Variants in AK8 observed in about 807,000 individuals in gnomAD.
AK8 encodes ATP-AMP transphosphorylase 8.
Under a neutral mutation model 54.6 loss-of-function variants are expected in AK8, and 44 were observed. That is an observed-to-expected ratio of 0.81 (90% CI 0.63 to 1.04). AK8 has a LOEUF of 1.04. Among genes scored for constraint, AK8 ranks in the 50% least tolerant of loss-of-function variants. The pLI, the probability that AK8 is intolerant of heterozygous loss-of-function variation, is 0.00. For missense variants in AK8, 555 were observed against 613.6 expected, an observed-to-expected ratio of 0.90 and a Z score of 1.01; for synonymous variants, 239 against 245.6, an observed-to-expected ratio of 0.97 and a Z score of 0.25.
At chr9:132,806,745 C>T (rs1162377916) in intron 10 of AK8, among the ~76,000 whole-genome samples, 1 of 152,192 alleles carries the variant, frequency 6.6e-6, no homozygotes, top group South Asian at 2.1e-4. Context: ...GAGCTCTGAT[C>T]CACACCTCCT....
At chr9:132,771,968 G>T (rs572280567) in intron 11 of AK8, among the ~76,000 whole-genome samples, 2 of 152,264 alleles carry the variant, frequency 1.3e-5, no homozygotes, top group South Asian at 2.1e-4. Flanking sequence ...CAAAGCGAGA[G>T]AACTTGTGCA....
At chr9:132,876,200 G>A (rs570798591) in intron 1 of AK8, among the ~76,000 whole-genome samples, 12 of 152,316 alleles carry the variant, frequency 7.9e-5, no homozygotes, top group Non-Finnish European at 1.5e-4. Context: ...CTGGGCCTCA[G>A]CTTCTCTGCC....
chr9:132,807,190 G>T (rs929477832), intron 10 of AK8, among the ~76,000 whole-genome samples: 3 of 152,078 alleles, frequency 2.0e-5, no homozygotes, highest in Non-Finnish European at 2.9e-5. Context: ...GGAGATGCTG[G>T]GGGGGGCGGG....
At chr9:132,744,363 T>C (rs1837535822) in intron 11 of AK8, among the ~76,000 whole-genome samples, 1 of 151,366 alleles carries the variant, frequency 6.6e-6, no homozygotes. Context: ...TTACAGTAAG[T>C]TGGGTTGCTG....
At chr9:132,738,057 CTTT>C (rs34835031) in intron 11 of AK8, among the ~76,000 whole-genome samples, 6 of 144,346 alleles carry the variant, frequency 4.2e-5, no homozygotes, top group Non-Finnish European at 3.0e-5. Flanking sequence ...TGCTGAATTA[CTTT>C]TTTTTTTTTT....
rs1199861531 is a variant in AK8, at chr9:132,770,517, C to G, written c.1121+22117G>C. Among the ~76,000 whole-genome samples the G allele has an allele frequency of 1.3e-5, 2 of 152,180 alleles. No homozygotes were observed. Among genetic ancestry groups the G allele is most frequent in the African/African-American group, 2.4e-5 (1 of 41,456 alleles). On this transcript the variant is annotated intron_variant, in intron 11 of 12. Coordinates refer to ENST00000298545, the MANE Select transcript of AK8 (RefSeq NM_152572.3). This position sits in a 1 kb window ranked among gnomAD's most constrained non-coding sequence, Gnocchi z 4.3. ...CGGGCTGGGAGCGCGGGGGATGCCC[C>G]TCGCCCTGCACGCGCGCCCTGCCCC...
At chr9:132,726,067 G>A (rs529821914) in intron 12 of AK8, 142 bp from the exon 13 acceptor site, 8 of 687,934 alleles carry the variant, frequency 1.2e-5, no homozygotes, top group African/African-American at 3.5e-5. Flanking sequence ...GTGTACTGCT[G>A]TGTGCACACC....
rs750054363 is a variant in AK8 at position 132,755,764 on chromosome 9, T to A, written c.1122-28230A>T. ...TCAGGCCAATGACTGGCTCCAACTC[T>A]CAGATTTTTTTTTTTTTTTTGAGAC... On this transcript the variant is annotated intron_variant, in intron 11 of 12. Transcript: ENST00000298545. Among the ~76,000 whole-genome samples, 232 of 127,362 alleles carry A rather than the reference T, an allele frequency of 1.8e-3. 1 individual carries two copies. The highest frequency in any genetic ancestry group is 3.7e-3 in the Admixed American group (42 of 11,228). The allele number at this position is 127,362 out of a possible 152,430, so 83.6% of individuals were successfully genotyped here.
Position 132,878,020 on chromosome 9 carries a change from T to C in AK8, c.84+152A>G. On this transcript the variant is annotated intron_variant, in intron 1 of 12. Transcript: ENST00000298545. This position sits in a 1 kb window ranked among gnomAD's most constrained non-coding sequence, Gnocchi z 4.7. Reference sequence around the variant, plus strand: ...CCCCAGCTCGAGGGCCCCCTCGGGGTCACGGCGACACACGAATCGTACATC... The same window carrying C: ...CCCCAGCTCGAGGGCCCCCTCGGGGCCACGGCGACACACGAATCGTACATC... 6.5e-7 allele frequency: 1 copy of C among 1,528,670 alleles called. No individual in the cohort carries two copies. The highest frequency in any genetic ancestry group is 8.8e-7 in the Non-Finnish European group (1 of 1,131,808). The allele number at this position is 1,528,670 out of a possible 1,614,324, so 94.7% of individuals were successfully genotyped here.
intron 11 of AK8, among the ~76,000 whole-genome samples, chr9:132,743,885 A>C (rs571028523): frequency 6.6e-6 from 1 of 152,214 alleles, no homozygotes; most frequent in Non-Finnish European, 1.5e-5. Context: ...GGCCATCTGA[A>C]TCTAGGACAC....
chr9:132,787,192 G>A (rs773465454), intron 11 of AK8, among the ~76,000 whole-genome samples: 13 of 152,084 alleles, frequency 8.5e-5, no homozygotes, highest in Admixed American at 2.0e-4. Flanking sequence ...CAGTTTCAGA[G>A]AGAATAGAAA....
chr9:132,872,777 G>A (rs996607634), intron 2 of AK8, among the ~76,000 whole-genome samples: 1 of 152,142 alleles, frequency 6.6e-6, no homozygotes, highest in Non-Finnish European at 1.5e-5. Flanking sequence ...TGGATTACAG[G>A]TGTGTGCTGC....
intron 11 of AK8, among the ~76,000 whole-genome samples, chr9:132,772,578 C>T (rs906361360): frequency 6.6e-6 from 1 of 152,216 alleles, no homozygotes; most frequent in Non-Finnish European, 1.5e-5. Flanking sequence ...AAGAAATAAA[C>T]TTCTGTTAAG....
At chr9:132,735,194 G>C (rs1475108979) in intron 11 of AK8, among the ~76,000 whole-genome samples, 3 of 144,224 alleles carry the variant, frequency 2.1e-5, no homozygotes, top group African/African-American at 7.4e-5. Context: ...ATGACAACTG[G>C]GATCCCCTGA....
chr9:132,753,239 G>A (rs536690402), intron 11 of AK8, among the ~76,000 whole-genome samples: 6 of 152,334 alleles, frequency 3.9e-5, no homozygotes, highest in Non-Finnish European at 5.9e-5. Context: ...CCCCTAGTAA[G>A]CCAGCTGGTT....
chr9:132,765,364 C>T (rs1009367376), intron 11 of AK8, among the ~76,000 whole-genome samples: 19 of 148,660 alleles, frequency 1.3e-4, no homozygotes, highest in Admixed American at 6.1e-4. Context: ...AAAGATGGTT[C>T]GATATATGCA....
At position 132,837,319 on chromosome 9, in the gene AK8, GAAAAA is replaced by G. The variant is rs749147088; in HGVS notation, c.403-8598_403-8594del. Among the ~76,000 whole-genome samples the G allele has an allele frequency of 4.5e-5, 4 of 89,656 alleles. No individual in the cohort carries two copies. The highest frequency in any genetic ancestry group is 1.6e-4 in the African/African-American group (4 of 24,874). The allele number at this position is 89,656 out of a possible 152,430, so 58.8% of individuals were successfully genotyped here. A position where few individuals can be genotyped will look rare whatever the true frequency, so the allele number is the denominator to read the frequency against. On this transcript the variant is annotated intron_variant, in intron 5 of 12. Transcript: ENST00000298545. The surrounding 1 kb of genome is among the most constrained non-coding windows in gnomAD (Gnocchi z 4.3). The stretch of plus-strand genomic sequence containing the variant: ...GGGTGACAGAGCAAGACTCCATCTC[GAAAAA>G]AAAAAAAAAAAAAAGAATGAAAGAA...
chr9:132,733,100 C>A (rs1342231588), intron 11 of AK8, among the ~76,000 whole-genome samples: 1 of 152,180 alleles, frequency 6.6e-6, no homozygotes, highest in Non-Finnish European at 1.5e-5. Flanking sequence ...GCGAGCCCAA[C>A]TGTTTCCCCA....
intron 4 of AK8, among the ~76,000 whole-genome samples, chr9:132,859,824 GGTGGCCT>G (rs1207086844): frequency 6.6e-6 from 1 of 152,192 alleles, no homozygotes; most frequent in Non-Finnish European, 1.5e-5. Context: ...GGGAGGCAAA[GGTGGCCT>G]CGGGCTGGGG....
Sources: allele counts gnomAD v4.1 joint callset (sites outside exome capture counted in the v4.1 genomes callset), GRCh38; gene constraint gnomAD v4.1.1; non-coding constraint Gnocchi (gnomAD v3.1); transcripts MANE v1.5; gene names NCBI Gene and HGNC (gene_info 2026-07-23, HGNC 2026-07-21).